Variants in CYP19A1 observed in about 807,000 individuals in gnomAD.
CYP19A1 encodes cytochrome P450 family 19 subfamily A member 1.
In CYP19A1, 32 loss-of-function variants were observed where a neutral mutation model predicts 44.4. That is an observed-to-expected ratio of 0.72 (90% CI 0.54 to 0.97). The LOEUF is 0.97. CYP19A1 is among the 50% of genes least tolerant of loss of function. CYP19A1 has a pLI of 0.00. For missense variants in CYP19A1, 598 were observed against 637.8 expected, an observed-to-expected ratio of 0.94 and a Z score of 0.67; for synonymous variants, 212 against 215.6, an observed-to-expected ratio of 0.98 and a Z score of 0.14.
Position 51,210,684 on chromosome 15 carries a change from T to G in CYP19A1, c.*124A>C, listed in dbSNP as rs773158097. 2.6e-6 allele frequency: 2 copies of G among 783,680 alleles called. No homozygotes were observed. Among genetic ancestry groups the G allele is most frequent in the African/African-American group, 3.4e-5 (2 of 59,298 alleles). 48.5% of individuals were successfully genotyped at this position (783,680 alleles called of 1,614,324 possible). A position where few individuals can be genotyped will look rare whatever the true frequency, so the allele number is the denominator to read the frequency against. On this transcript the variant is annotated 3_prime_UTR_variant, in exon 10 of 10. Transcript: ENST00000396402. Reference sequence around the variant, plus strand: ...GCTTGGTGACAACCCATAGGAGGTATGCCTATAAAATGCCATGGGCCACTG... The same window carrying G: ...GCTTGGTGACAACCCATAGGAGGTAGGCCTATAAAATGCCATGGGCCACTG...
intron 1 of CYP19A1, among the ~76,000 whole-genome samples, chr15:51,246,933 AT>A (rs2034083552): frequency 6.6e-6 from 1 of 151,972 alleles, no homozygotes; most frequent in Non-Finnish European, 1.5e-5. Context: ...TTTTTTCTCT[AT>A]CCATTTCCTC....
chr15:51,234,255 A>G (rs527950867), intron 3 of CYP19A1, among the ~76,000 whole-genome samples: 37 of 152,274 alleles, frequency 2.4e-4, no homozygotes, highest in Admixed American at 2.2e-3. Context: ...AACAAAATTG[A>G]ACTGCTCTGA....
chr15:51,264,748 C>A (rs1404687089), intron 1 of CYP19A1, among the ~76,000 whole-genome samples: 1 of 152,102 alleles, frequency 6.6e-6, no homozygotes, highest in Non-Finnish European at 1.5e-5. Flanking sequence ...TAGTAGCAGT[C>A]CCTTGGTTAC....
chr15:51,241,549 A>G (rs571241841), intron 2 of CYP19A1, among the ~76,000 whole-genome samples: 6 of 151,680 alleles, frequency 4.0e-5, no homozygotes, highest in African/African-American at 1.5e-4. Context: ...CTCCACCCCC[A>G]CCACTTACTC....
intron 1 of CYP19A1, among the ~76,000 whole-genome samples, chr15:51,283,732 G>C (rs1336209104): frequency 1.3e-5 from 2 of 152,196 alleles, no homozygotes; most frequent in East Asian, 3.9e-4. Flanking sequence ...GCAATCACTG[G>C]GCAAATCAGT....
At chr15:51,294,707 C>T (rs1383144810) in intron 1 of CYP19A1, among the ~76,000 whole-genome samples, 1 of 149,344 alleles carries the variant, frequency 6.7e-6, no homozygotes, top group Non-Finnish European at 1.5e-5. Context: ...CCCGGCCAGC[C>T]GCCCCGTCTG....
intron 1 of CYP19A1, among the ~76,000 whole-genome samples, chr15:51,290,078 C>A (rs1217752901): frequency 2.0e-5 from 3 of 152,206 alleles, no homozygotes; most frequent in African/African-American, 7.2e-5. Context: ...CCCCAGTGAG[C>A]CCTCACTTCC....
At chr15:51,288,512 C>T (rs752208241) in intron 1 of CYP19A1, among the ~76,000 whole-genome samples, 4 of 152,172 alleles carry the variant, frequency 2.6e-5, no homozygotes, top group Non-Finnish European at 5.9e-5. Context: ...GGAGTTTCCT[C>T]ATTTCAGATA....
chr15:51,310,788 C>G (rs1255598008), intron 1 of CYP19A1, among the ~76,000 whole-genome samples: 2 of 152,174 alleles, frequency 1.3e-5, no homozygotes, highest in African/African-American at 4.8e-5. Context: ...GGAGCTGGTC[C>G]TTTTCCGGCA....
chr15:51,282,628 C>T (rs1354093710), intron 1 of CYP19A1, among the ~76,000 whole-genome samples: 1 of 152,236 alleles, frequency 6.6e-6, no homozygotes, highest in African/African-American at 2.4e-5. Context: ...TTTTCTCTTT[C>T]CTTTGACTCT....
At chr15:51,283,544 C>A (rs1253230115) in intron 1 of CYP19A1, among the ~76,000 whole-genome samples, 1 of 152,226 alleles carries the variant, frequency 6.6e-6, no homozygotes, top group South Asian at 2.1e-4. Context: ...GCTACTCTTT[C>A]AGCTCAGGCT....
At chr15:51,293,948 G>A (rs1020881301) in intron 1 of CYP19A1, 19 of 215,494 alleles carry the variant, frequency 8.8e-5, no homozygotes, top group African/African-American at 4.0e-4. Flanking sequence ...CTCCCAATGT[G>A]CCAAGACTGC....
chr15:51,314,014 C>T (rs907086953), intron 1 of CYP19A1: 4 of 152,016 alleles, frequency 2.6e-5, no homozygotes, highest in African/African-American at 9.7e-5. Context: ...TTGGATACTC[C>T]CTCTCCTCCT....
chr15:51,251,057 C>T (rs1364305694), intron 1 of CYP19A1, among the ~76,000 whole-genome samples: 1 of 152,178 alleles, frequency 6.6e-6, no homozygotes, highest in Admixed American at 6.5e-5. Context: ...TCTCAGAGAC[C>T]TGTTCACTTC....
rs575028467 is a variant in CYP19A1, at chr15:51,251,644, A to G, written c.-38-8694T>C. Among the ~76,000 whole-genome samples, 3 of 152,362 alleles carry G rather than the reference A, an allele frequency of 2.0e-5. No homozygotes were observed. In the South Asian group the frequency reaches 6.2e-4, roughly 32 times the overall value. On this transcript the variant is annotated intron_variant, in intron 1 of 9. Transcript: ENST00000396402. Reference sequence around the variant, plus strand: ...GCCTGGGGTCATCAAAGAATGATACATTCACATATCCTCAGAGGGATGTTT... The same window carrying G: ...GCCTGGGGTCATCAAAGAATGATACGTTCACATATCCTCAGAGGGATGTTT...
intron 1 of CYP19A1, among the ~76,000 whole-genome samples, chr15:51,258,083 T>C (rs1348860464): frequency 1.3e-5 from 2 of 152,242 alleles, no homozygotes; most frequent in East Asian, 3.8e-4. Context: ...CATCCAGGGA[T>C]TGAGTGGTAA....
intron 1 of CYP19A1, among the ~76,000 whole-genome samples, chr15:51,303,466 A>ATG (rs150446587): frequency 0.031 from 4,677 of 152,290 alleles, 104 homozygotes; most frequent in Non-Finnish European, 0.043. Flanking sequence ...AAAGTCAAGA[A>ATG]TGAAAACAAC....
At chr15:51,248,234 G>T (rs2141136182) in intron 1 of CYP19A1, among the ~76,000 whole-genome samples, 1 of 152,284 alleles carries the variant, frequency 6.6e-6, no homozygotes, top group Non-Finnish European at 1.5e-5. Flanking sequence ...AAAGGACCAG[G>T]CATGATGCCA....
chr15:51,300,804 T>C (rs1158177210), intron 1 of CYP19A1, among the ~76,000 whole-genome samples: 1 of 152,182 alleles, frequency 6.6e-6, no homozygotes, highest in Non-Finnish European at 1.5e-5. Context: ...ATGCAAACTA[T>C]TTAGTTTAAA....
Sources: gnomAD v4.1 joint callset for allele counts (sites outside exome capture counted in the v4.1 genomes callset) on GRCh38, gnomAD v4.1.1 for gene constraint, MANE v1.5 for transcripts, NCBI Gene and HGNC (gene_info 2026-07-23, HGNC 2026-07-21) for gene names.